DAB1: variants seen among roughly 807,000 people sequenced by gnomAD.
The protein encoded by DAB1 is DAB adaptor protein 1.
DAB1 carries 15 observed loss-of-function variants against 64.6 expected under a neutral mutation model. The observed-to-expected ratio is 0.23, with a 90% CI of 0.16 to 0.36. The LOEUF (loss-of-function observed/expected upper bound fraction) is 0.36, where lower values mean the gene tolerates loss of function less well. DAB1 is among the 10% of genes least tolerant of loss of function. DAB1 has a pLI of 1.00. For missense variants in DAB1, 596 were observed against 706.7 expected (o/e 0.84, Z 1.78); for synonymous variants, 235 against 251.9 (o/e 0.93, Z 0.64).
At chr1:58,030,785 GT>G (rs1646959728) in intron 5 of DAB1, among the ~76,000 whole-genome samples, 2 of 152,126 alleles carry the variant, frequency 1.3e-5, no homozygotes, top group Non-Finnish European at 2.9e-5. Flanking sequence ...ACAATCACAG[GT>G]CAGCAGACAT....
chr1:58,521,137 G>A (rs1374122986), intron 2 of DAB1, among the ~76,000 whole-genome samples: 1 of 152,008 alleles, frequency 6.6e-6, no homozygotes, highest in Non-Finnish European at 1.5e-5. Flanking sequence ...GAAAACAAAA[G>A]GTAACTTTAA....
chr1:57,740,441 T>C (rs890718616), intron 6 of DAB1, among the ~76,000 whole-genome samples: 1 of 152,126 alleles, frequency 6.6e-6, no homozygotes, highest in African/African-American at 2.4e-5. Flanking sequence ...ACAGCCCACA[T>C]CCGAGTATTG....
chr1:57,712,272 A>C (rs1647037073), intron 6 of DAB1, among the ~76,000 whole-genome samples: 1 of 152,194 alleles, frequency 6.6e-6, no homozygotes, highest in Non-Finnish European at 1.5e-5. Flanking sequence ...ATACCCACCA[A>C]AGTGAGGCCT....
intron 1 of DAB1, among the ~76,000 whole-genome samples, chr1:57,344,897 T>C (rs1451079970): frequency 1.3e-5 from 2 of 152,140 alleles, no homozygotes; most frequent in Non-Finnish European, 2.9e-5. Flanking sequence ...TTTCACAGCA[T>C]GCATGGAATA....
At chr1:57,431,163 A>C (rs1372622183) in intron 7 of DAB1, among the ~76,000 whole-genome samples, 1 of 148,732 alleles carries the variant, frequency 6.7e-6, no homozygotes, top group Non-Finnish European at 1.5e-5. Flanking sequence ...AAAAAGAAAA[A>C]CAAAAAAAAA....
intron 1 of DAB1, among the ~76,000 whole-genome samples, chr1:57,845,428 T>C (rs1653237813): frequency 6.6e-6 from 1 of 152,168 alleles, no homozygotes; most frequent in Non-Finnish European, 1.5e-5. Context: ...GTCTTGCAGA[T>C]ATGATCCTCT....
intron 6 of DAB1, among the ~76,000 whole-genome samples, chr1:57,764,116 G>A (rs1283372872): frequency 6.6e-6 from 1 of 152,126 alleles, no homozygotes; most frequent in African/African-American, 2.4e-5. Flanking sequence ...AGCCAGCCAT[G>A]GGTGCCTGAG....
chr1:57,860,981 G>C (rs887240114), intron 1 of DAB1: 2 of 152,270 alleles, frequency 1.3e-5, no homozygotes, highest in African/African-American at 4.8e-5. Flanking sequence ...GCCACTTCAT[G>C]GGGTGACCTG....
intron 7 of DAB1, among the ~76,000 whole-genome samples, chr1:57,470,757 C>T (rs750947332): frequency 3.3e-5 from 5 of 152,160 alleles, no homozygotes; most frequent in Non-Finnish European, 5.9e-5. Context: ...CTTTAAAAAT[C>T]AGCACAAAAG....
At chr1:58,142,039 T>C (rs571370850) in intron 5 of DAB1, among the ~76,000 whole-genome samples, 18 of 152,216 alleles carry the variant, frequency 1.2e-4, no homozygotes, top group Middle Eastern at 3.4e-3. Flanking sequence ...CCTCTCTGCC[T>C]GCCTAAATTT....
At chr1:58,152,977 C>G (rs1167686768) in intron 4 of DAB1, among the ~76,000 whole-genome samples, 3 of 152,304 alleles carry the variant, frequency 2.0e-5, no homozygotes, top group Admixed American at 1.3e-4. Context: ...ATCTGGACCA[C>G]ATGACATTGC....
At chr1:57,344,444 A>C (rs1467193770) in intron 1 of DAB1, among the ~76,000 whole-genome samples, 1 of 152,016 alleles carries the variant, frequency 6.6e-6, no homozygotes, top group African/African-American at 2.4e-5. Flanking sequence ...CAAACTGTGA[A>C]AGCTAATTTA....
chr1:58,108,792 C>T (rs1014331374), intron 5 of DAB1, among the ~76,000 whole-genome samples: 1 of 152,114 alleles, frequency 6.6e-6, no homozygotes, highest in Non-Finnish European at 1.5e-5. Flanking sequence ...ATACAGATGC[C>T]CCAAATAGTA....
At chr1:58,145,256 T>C (rs6667829) in intron 5 of DAB1, among the ~76,000 whole-genome samples, 2 of 152,052 alleles carry the variant, frequency 1.3e-5, no homozygotes, top group African/African-American at 4.8e-5. Context: ...GGGACTTTTT[T>C]GGGGCAATGC....
At chr1:57,883,333 T>C (rs1202824) in intron 1 of DAB1, among the ~76,000 whole-genome samples, 93,718 of 152,062 alleles carry the variant, frequency 0.62, 29,083 homozygotes, top group African/African-American at 0.67. Context: ...CAACTGAGGG[T>C]GAATAATTGT....
intron 4 of DAB1, among the ~76,000 whole-genome samples, chr1:58,309,714 C>A (rs1196457729): frequency 6.6e-6 from 1 of 152,098 alleles, no homozygotes; most frequent in African/African-American, 2.4e-5. Flanking sequence ...GGCCTTCTTT[C>A]CCAATAATAA....
intron 14 of DAB1, among the ~76,000 whole-genome samples, chr1:57,007,622 C>T (rs929099550): frequency 1.3e-5 from 2 of 152,140 alleles, no homozygotes; most frequent in African/African-American, 4.8e-5. Flanking sequence ...CCGTCTGTTT[C>T]CTCTTACTAT....
At chr1:57,429,665 T>C (rs1333879062) in intron 7 of DAB1, among the ~76,000 whole-genome samples, 2 of 152,212 alleles carry the variant, frequency 1.3e-5, no homozygotes, top group African/African-American at 4.8e-5. Context: ...GATTTTCATA[T>C]ATGGCATAAT....
chr1:57,722,631 A>G (rs923846577), intron 6 of DAB1, among the ~76,000 whole-genome samples: 1 of 152,208 alleles, frequency 6.6e-6, no homozygotes, highest in Non-Finnish European at 1.5e-5. Flanking sequence ...CTCATGTCCA[A>G]TGTGATATAA....
Sources: gnomAD v4.1 joint callset for allele counts (sites outside exome capture counted in the v4.1 genomes callset) on GRCh38, gnomAD v4.1.1 for gene constraint, MANE v1.5 for transcripts, NCBI Gene and HGNC (gene_info 2026-07-23, HGNC 2026-07-21) for gene names.